Variants in LHFPL6 observed in about 807,000 individuals in gnomAD.
LHFPL6 encodes LHFPL tetraspan subfamily member 6.
Under a neutral mutation model 20.6 loss-of-function variants are expected in LHFPL6, and 9 were observed. The observed-to-expected ratio is 0.44, with a 90% CI of 0.26 to 0.76. The LOEUF (loss-of-function observed/expected upper bound fraction) is 0.76, where lower values mean the gene tolerates loss of function less well. Among genes scored for constraint, LHFPL6 ranks in the 30% least tolerant of loss-of-function variants. The pLI is 0.20. For missense variants in LHFPL6, 218 were observed against 253.5 expected (o/e 0.86, Z 0.95); for synonymous variants, 105 against 98.7 (o/e 1.06, Z -0.38).
chr13:39,351,527 G>A (rs1025876983), intron 3 of LHFPL6, among the ~76,000 whole-genome samples: 4 of 151,948 alleles, frequency 2.6e-5, no homozygotes, highest in Non-Finnish European at 4.4e-5. Context: ...TTATATGCCC[G>A]AGAAAAAAAT....
At chr13:39,356,399 A>T (rs1299221770) in intron 3 of LHFPL6, among the ~76,000 whole-genome samples, 1 of 152,232 alleles carries the variant, frequency 6.6e-6, no homozygotes, top group Non-Finnish European at 1.5e-5. Flanking sequence ...TTATAACGCA[A>T]AATGCCTACA....
At chr13:39,521,380 A>T (rs1870100791) in intron 2 of LHFPL6, among the ~76,000 whole-genome samples, 1 of 152,190 alleles carries the variant, frequency 6.6e-6, no homozygotes, top group African/African-American at 2.4e-5. Flanking sequence ...ACCAAGTTCT[A>T]CTGTTAACCT....
rs1869856907 is a variant in LHFPL6 at position 39,361,062 on chromosome 13, G to T, written c.485-17008C>A. ...AATACCTATATGAGATCTCATACTT[G>T]CACAGCTGCTCAAATCTGTGAAAGG... On this transcript the variant is annotated intron_variant, in intron 3 of 3. Transcript: ENST00000379589. 2.1e-5 allele frequency among the ~76,000 whole-genome samples: 2 copies of T among 96,894 alleles called. 1 individual carries two copies. 63.6% of individuals were successfully genotyped at this position (96,894 alleles called of 152,430 possible).
At chr13:39,579,053 A>G (rs1872202431) in intron 2 of LHFPL6, among the ~76,000 whole-genome samples, 1 of 152,232 alleles carries the variant, frequency 6.6e-6, no homozygotes, top group African/African-American at 2.4e-5. Flanking sequence ...AAAGTAGAAT[A>G]AACAAGACCG....
At chr13:39,467,101 C>A (rs78922057) in intron 2 of LHFPL6, among the ~76,000 whole-genome samples, 9,560 of 152,144 alleles carry the variant, frequency 0.063, 1,021 homozygotes, top group African/African-American at 0.22. Flanking sequence ...ACAGAGAGAA[C>A]CTCAGTTTAT....
In LHFPL6 at chr13:39,581,134, C is replaced by T. The variant is rs112853861; in HGVS notation, c.385+19698G>A. Reference sequence around the variant, plus strand: ...GAAACAATCTGCCAAACCCTACAAGCCTAACAAGCTAAATAAGGAAAGTAT... The same window carrying T: ...GAAACAATCTGCCAAACCCTACAAGTCTAACAAGCTAAATAAGGAAAGTAT... On this transcript the variant is annotated intron_variant, in intron 2 of 3. Coordinates refer to ENST00000379589, the MANE Select transcript of LHFPL6 (RefSeq NM_005780.3). Among the ~76,000 whole-genome samples, 1,035 of 152,240 alleles carry T rather than the reference C, an allele frequency of 6.8e-3. 13 individuals are homozygous for T. Among genetic ancestry groups the T allele is most frequent in the African/African-American group, 0.023 (976 of 41,550 alleles).
intron 2 of LHFPL6, among the ~76,000 whole-genome samples, chr13:39,465,217 T>C (rs1872773848): frequency 6.6e-6 from 1 of 152,072 alleles, no homozygotes. Context: ...AGTCTTAAAA[T>C]AATAATATTC....
chr13:39,418,939 T>C (rs777818599), intron 2 of LHFPL6, among the ~76,000 whole-genome samples: 6 of 152,242 alleles, frequency 3.9e-5, no homozygotes, highest in Admixed American at 2.6e-4. Flanking sequence ...ACACAAATAT[T>C]GCTGCCCAAT....
intron 2 of LHFPL6, among the ~76,000 whole-genome samples, chr13:39,544,284 T>C (rs9576846): frequency 0.096 from 14,632 of 152,230 alleles, 861 homozygotes; most frequent in East Asian, 0.29. Flanking sequence ...ATTTTGCCGC[T>C]ATATAATTTT....
chr13:39,345,982 G>A (rs1258527611), intron 3 of LHFPL6, among the ~76,000 whole-genome samples: 1 of 152,124 alleles, frequency 6.6e-6, no homozygotes, highest in African/African-American at 2.4e-5. Context: ...CTCACCCTGT[G>A]GGGTGGGGTT....
chr13:39,404,533 T>C (rs1265213810), intron 2 of LHFPL6, among the ~76,000 whole-genome samples: 1 of 152,166 alleles, frequency 6.6e-6, no homozygotes, highest in Non-Finnish European at 1.5e-5. Context: ...AATTAAATAA[T>C]AACAACTGGA....
At chr13:39,500,628 T>C (rs1869261269) in intron 2 of LHFPL6, among the ~76,000 whole-genome samples, 2 of 152,180 alleles carry the variant, frequency 1.3e-5, no homozygotes, top group Non-Finnish European at 2.9e-5. Context: ...CACCTGCTGA[T>C]AGATTAACAA....
At chr13:39,465,766 C>T (rs534542620) in intron 2 of LHFPL6, among the ~76,000 whole-genome samples, 1 of 152,234 alleles carries the variant, frequency 6.6e-6, no homozygotes, top group African/African-American at 2.4e-5. Flanking sequence ...AGAGGTAGCA[C>T]ATTATAAGGA....
intron 2 of LHFPL6, among the ~76,000 whole-genome samples, chr13:39,384,802 A>G (rs946165467): frequency 3.3e-5 from 5 of 152,220 alleles, no homozygotes; most frequent in African/African-American, 1.2e-4. Context: ...TGTGGTTACC[A>G]CATGGCCTTA....
At chr13:39,428,706 C>A (rs914883589) in intron 2 of LHFPL6, among the ~76,000 whole-genome samples, 1 of 152,156 alleles carries the variant, frequency 6.6e-6, no homozygotes, top group South Asian at 2.1e-4. Context: ...TCATTGATTT[C>A]TATTGTGACA....
chr13:39,487,311 T>C (rs926884671), intron 2 of LHFPL6, among the ~76,000 whole-genome samples: 10 of 152,208 alleles, frequency 6.6e-5, no homozygotes, highest in Non-Finnish European at 1.2e-4. Context: ...TTTGGCTTAA[T>C]TTTTAGTAGA....
intron 2 of LHFPL6, among the ~76,000 whole-genome samples, chr13:39,490,628 A>T (rs1167362885): frequency 6.6e-6 from 1 of 152,218 alleles, no homozygotes; most frequent in African/African-American, 2.4e-5. Context: ...TGTACTGCTA[A>T]GCATCTGCCA....
intron 2 of LHFPL6, among the ~76,000 whole-genome samples, chr13:39,559,648 C>T (rs7332354): frequency 0.14 from 20,945 of 152,112 alleles, 1,737 homozygotes; most frequent in East Asian, 0.34. Flanking sequence ...AAAAAGACAA[C>T]TGTCTGCCTC....
chr13:39,571,009 T>C (rs1172740261), intron 2 of LHFPL6, among the ~76,000 whole-genome samples: 2 of 152,196 alleles, frequency 1.3e-5, no homozygotes, highest in African/African-American at 2.4e-5. Context: ...ATTGAAAGTG[T>C]GAAAAACAAC....
Sources: gnomAD v4.1 joint callset for allele counts (sites outside exome capture counted in the v4.1 genomes callset) on GRCh38, gnomAD v4.1.1 for gene constraint, MANE v1.5 for transcripts, NCBI Gene and HGNC (gene_info 2026-07-23, HGNC 2026-07-21) for gene names.